The following STAP1 variants were observed in gnomAD, a reference collection of about 807,000 sequenced individuals.
The protein encoded by STAP1 is signal transducing adaptor family member 1.
Under a neutral mutation model 37.8 loss-of-function variants are expected in STAP1, and 30 were observed. The ratio of observed to expected loss-of-function variants is 0.79; its 90% CI spans 0.59 to 1.08. The LOEUF is 1.08. Ranked by LOEUF, STAP1 falls within the 50% of genes least tolerant of loss-of-function variation. The pLI is 0.00. For missense variants in STAP1, 357 were observed against 349.4 expected (o/e 1.02, Z -0.17); for synonymous variants, 130 against 116.0 (o/e 1.12, Z -0.78).
At chr4:67,590,792 G>C in intron 6 of STAP1, 92 bp from the exon 7 acceptor site, 1 of 580,356 alleles carries the variant, frequency 1.7e-6, no homozygotes, top group Admixed American at 3.7e-5. Context: ...GACAACATAG[G>C]TTGATTATAC....
At chr4:67,564,683 C>T (rs115651510) in intron 1 of STAP1, among the ~76,000 whole-genome samples, 5,730 of 152,046 alleles carry the variant, frequency 0.038, 152 homozygotes, top group Non-Finnish European at 0.044. Context: ...GAGCCTGAGG[C>T]GGGTGGATCA....
intron 8 of STAP1, among the ~76,000 whole-genome samples, chr4:67,602,693 C>T (rs1728369518): frequency 6.6e-6 from 1 of 152,126 alleles, no homozygotes; most frequent in African/African-American, 2.4e-5. Context: ...CCTTACTTTC[C>T]CCCCAACAAA....
Position 67,607,216 on chromosome 4 carries a change from G to A in STAP1, c.*859G>A, listed in dbSNP as rs1385756225. 3.3e-5 allele frequency: 5 copies of A among 152,142 alleles called. No individual in the cohort carries two copies. The highest frequency in any genetic ancestry group is 4.8e-5 in the African/African-American group (2 of 41,424). 9.4% of individuals were successfully genotyped at this position (152,142 alleles called of 1,614,324 possible). A position where few individuals can be genotyped will look rare whatever the true frequency, so the allele number is the denominator to read the frequency against. On this transcript the variant is annotated 3_prime_UTR_variant, in exon 9 of 9. Transcript: ENST00000265404. ...CAGGGGAAAGACTATGTGAGACAGA[G>A]GGAGAAAACAGCCATTGACAACTCA... is the stretch of plus-strand genomic sequence containing the variant.
chr4:67,584,678 T>G (rs1040602215), intron 6 of STAP1, among the ~76,000 whole-genome samples: 3 of 146,466 alleles, frequency 2.0e-5, no homozygotes, highest in Non-Finnish European at 4.6e-5. Flanking sequence ...CAAATGTGTA[T>G]GCCTTGAGAT....
At chr4:67,583,807 G>A (rs1000837719) in intron 6 of STAP1, 105 bp downstream of exon 6, 4 of 1,376,030 alleles carry the variant, frequency 2.9e-6, no homozygotes, top group Non-Finnish European at 3.9e-6. Flanking sequence ...CTGAAAATAT[G>A]AACACAAGTG....
chr4:67,559,673 C>G (rs1229156787), intron 1 of STAP1, among the ~76,000 whole-genome samples: 1 of 151,756 alleles, frequency 6.6e-6, no homozygotes, highest in Non-Finnish European at 1.5e-5. Context: ...CCAAAATTGC[C>G]TGTTATTAAA....
rs201298373 is a variant in STAP1 at position 67,558,915 on chromosome 4, C to T, written c.106C>T (p.Arg36Trp). Residue 36 changes from arginine to tryptophan, a missense_variant, in exon 1 of 9, where the codon CGG becomes TGG. Physicochemically the swap from Arg to Trp is moderately radical, Grantham distance 101. Coordinates refer to ENST00000265404, the MANE Select transcript of STAP1 (RefSeq NM_012108.4). ...CTTTGAAGGTTTTTTATTAATCAAG[C>T]GGTCAGGATACCGGGTGAGTCTATA... ...LYFEGFLLIK[R>W]SGYREYEHYW... The T allele has an allele frequency of 7.4e-6, 12 of 1,612,034 alleles. No individual in the cohort carries two copies. The highest frequency in any genetic ancestry group is 2.2e-5 in the East Asian group (1 of 44,828).
intron 7 of STAP1, among the ~76,000 whole-genome samples, chr4:67,592,726 C>T (rs1728146422): frequency 6.6e-6 from 1 of 152,092 alleles, no homozygotes; most frequent in African/African-American, 2.4e-5. Flanking sequence ...ACCCTGTCAC[C>T]CAGGCTGGGG....
At chr4:67,583,837 G>T in intron 6 of STAP1, 135 bp downstream of exon 6, 3 of 1,010,266 alleles carry the variant, frequency 3.0e-6, no homozygotes, top group Non-Finnish European at 4.2e-6. Flanking sequence ...GGTGGCTCAC[G>T]CCTGTAATCT....
At chr4:67,571,222 A>T in intron 2 of STAP1, 67 bp downstream of exon 2, 2 of 1,135,274 alleles carry the variant, frequency 1.8e-6, no homozygotes, top group Non-Finnish European at 2.6e-6. Flanking sequence ...CATATTATTC[A>T]TTTTGGATTT....
In STAP1 at chr4:67,575,432, G is replaced by A. The variant is rs755631321; in HGVS notation, c.240G>A (p.Gln80=). The A allele has an allele frequency of 4.4e-6, 7 of 1,605,272 alleles. No homozygotes were observed. The highest frequency in any genetic ancestry group is 1.7e-5 in the Admixed American group (1 of 57,238). ...DIVDLTCLTE[Q]NSTEKNCAKF... is the part of the protein sequence containing the mutation. ...TAGACCTCACATGCCTTACTGAGCA[G>A]AATTCAACTGAAAAGAACTGTGCGA... Residue 80 remains glutamine, a synonymous_variant, in exon 3 of 9, where the codon CAG becomes CAA. Coordinates refer to ENST00000265404, the MANE Select transcript of STAP1 (RefSeq NM_012108.4).
chr4:67,605,116 AG>A (rs1336960224), intron 8 of STAP1, among the ~76,000 whole-genome samples: 2 of 152,160 alleles, frequency 1.3e-5, no homozygotes, highest in Admixed American at 1.3e-4. Context: ...CTGGTGTTCT[AG>A]CTAGAATGAT....
chr4:67,593,038 G>C (rs1004464515), intron 7 of STAP1, among the ~76,000 whole-genome samples: 2 of 152,192 alleles, frequency 1.3e-5, no homozygotes, highest in Non-Finnish European at 2.9e-5. Context: ...TTGTCTACCA[G>C]ATTGTATTCA....
chr4:67,581,379 G>T lies in STAP1; in HGVS notation c.438G>T (p.Lys146Asn). 6.2e-7 allele frequency: 1 copy of T among 1,614,128 alleles called. No individual in the cohort carries two copies. The highest frequency in any genetic ancestry group is 8.5e-7 in the Non-Finnish European group (1 of 1,179,994). Residue 146 changes from lysine (K) to asparagine (N), a missense_variant, in exon 5 of 9, where the codon AAG becomes AAT. Lys to Asn is a moderately conservative substitution (Grantham distance 94). Transcript: ENST00000265404. Reference sequence around the variant, plus strand: ...TGCATGAAGTCCTAGAGAGAGAAAAGAAAAGGAGGATTGAGACAGAGCAGA... The same window carrying T: ...TGCATGAAGTCCTAGAGAGAGAAAATAAAAGGAGGATTGAGACAGAGCAGA... ...IKLHEVLERE[K>N]KRRIETEQST...
Position 67,601,317 on chromosome 4 carries a change from T to A in STAP1, c.827-4979T>A, listed in dbSNP as rs115065162. On this transcript the variant is annotated intron_variant, in intron 8 of 8. Transcript: ENST00000265404. The stretch of plus-strand genomic sequence containing the variant: ...TATTTCTATCTTCTTATACTGTCTA[T>A]GTCTTGAAAAGTTGTAGTTATTTTT... Among the ~76,000 whole-genome samples the A allele has an allele frequency of 5.3e-3, 814 of 152,328 alleles. 10 individuals carry two copies. The highest frequency in any genetic ancestry group is 0.019 in the African/African-American group (780 of 41,576).
chr4:67,584,729 T>A (rs1260096869), intron 6 of STAP1, among the ~76,000 whole-genome samples: 2 of 152,182 alleles, frequency 1.3e-5, no homozygotes, highest in African/African-American at 4.8e-5. Context: ...AAAAGGCTGC[T>A]GTGACTGCAA....
chr4:67,593,217 AT>A (rs766719194), intron 7 of STAP1, 42 bp from the exon 8 acceptor site: 1 of 1,396,774 alleles, frequency 7.2e-7, no homozygotes, highest in Non-Finnish European at 1.0e-6. Flanking sequence ...CTCTATACTT[AT>A]GCAGGTGATG....
intron 1 of STAP1, among the ~76,000 whole-genome samples, chr4:67,570,472 AT>A (rs1727578382): frequency 1.3e-5 from 2 of 152,132 alleles, no homozygotes; most frequent in Admixed American, 1.3e-4. Flanking sequence ...ATGATTGTAT[AT>A]CCTTATCTGA....
At chr4:67,582,923 T>C (rs972898163) in intron 5 of STAP1, among the ~76,000 whole-genome samples, 14 of 152,198 alleles carry the variant, frequency 9.2e-5, no homozygotes, top group Non-Finnish European at 1.8e-4. Flanking sequence ...TAAGGTAGGC[T>C]AGGCTAAGCT....
Sources: allele counts gnomAD v4.1 joint callset (sites outside exome capture counted in the v4.1 genomes callset), GRCh38; gene constraint gnomAD v4.1.1; transcripts MANE v1.5; gene names NCBI Gene and HGNC (gene_info 2026-07-23, HGNC 2026-07-21).